Variants in ACSBG2 observed in about 807,000 individuals in gnomAD.
The protein encoded by ACSBG2 is long-chain-fatty-acid--CoA ligase ACSBG2.
In ACSBG2, 62 loss-of-function variants were observed where a neutral mutation model predicts 74.7. The observed-to-expected ratio is 0.83, with a 90% CI of 0.68 to 1.03. ACSBG2 has a LOEUF of 1.03. Among genes scored for constraint, ACSBG2 ranks in the 50% least tolerant of loss-of-function variants. The pLI, the probability that ACSBG2 is intolerant of heterozygous loss-of-function variation, is 0.00. For synonymous variants in ACSBG2, 309 were observed against 294.1 expected (o/e 1.05, Z -0.52); for missense variants, 730 against 817.6 (o/e 0.89, Z 1.31).
chr19:6,152,679 T>G (rs1316951837), intron 4 of ACSBG2, among the ~76,000 whole-genome samples: 1 of 152,134 alleles, frequency 6.6e-6, no homozygotes, highest in Admixed American at 6.6e-5. Context: ...TTTGGGAGTT[T>G]TACTTAAAGA....
chr19:6,171,830 CT>C (rs919486010), intron 7 of ACSBG2, among the ~76,000 whole-genome samples: 1 of 151,424 alleles, frequency 6.6e-6, no homozygotes, highest in African/African-American at 2.4e-5. Flanking sequence ...AATTTTTCTT[CT>C]TTTCTCTCAG....
intron 4 of ACSBG2, among the ~76,000 whole-genome samples, chr19:6,152,071 T>A (rs186966320): frequency 6.6e-6 from 1 of 152,322 alleles, no homozygotes; most frequent in East Asian, 1.9e-4. Context: ...TTTCTGATTA[T>A]GTGCAGAAGC....
At chr19:6,154,428 GAGAGAA>G (rs1477367621) in intron 4 of ACSBG2, among the ~76,000 whole-genome samples, 1 of 90,570 alleles carries the variant, frequency 1.1e-5, no homozygotes, top group African/African-American at 2.9e-5. Flanking sequence ...GAGAGAGAGA[GAGAGAA>G]AATTATTATT....
Position 6,165,868 on chromosome 19 carries a change from G to A in ACSBG2, c.591G>A (p.Trp197Ter), listed in dbSNP as rs775414051. 1 of 1,614,012 alleles carries A rather than the reference G, an allele frequency of 6.2e-7. No homozygotes were observed. Among genetic ancestry groups the A allele is most frequent in the South Asian group, 1.1e-5 (1 of 91,074 alleles). ...PMKKNNNLYS[W>*]DDFMELGRSI... ...CCGCTTGTCTTTTCTGTCCACAGTG[G>A]GATGATTTCATGGAACTTGGCAGAA... is the stretch of plus-strand genomic sequence containing the variant. Residue 197 changes from tryptophan (W) to a stop codon, truncating the protein, a stop_gained and splice_region_variant, in exon 7 of 15, where the codon TGG becomes TGA. Transcript: ENST00000588485. LOFTEE classifies it high-confidence loss of function.
chr19:6,143,199 C>T (rs1015405426), intron 2 of ACSBG2, among the ~76,000 whole-genome samples: 1 of 151,750 alleles, frequency 6.6e-6, no homozygotes, highest in Non-Finnish European at 1.5e-5. Flanking sequence ...CATGCACCAC[C>T]GTGCCTGGCT....
intron 7 of ACSBG2, chr19:6,176,508 A>C: frequency 8.3e-6 from 6 of 720,482 alleles, no homozygotes; most frequent in Non-Finnish European, 1.2e-5. Flanking sequence ...ACACACACAC[A>C]CACGCACTCA....
In ACSBG2 at chr19:6,160,901, A is replaced by G. The variant is rs144290452; in HGVS notation, c.508-314A>G. 6.3e-5 allele frequency: 12 copies of G among 190,188 alleles called. 1 individual carries two copies. In the East Asian group the frequency reaches 1.7e-3, roughly 27 times the overall value. The allele number at this position is 190,188 out of a possible 1,614,324, so 11.8% of individuals were successfully genotyped here. A position where few individuals can be genotyped will look rare whatever the true frequency, so the allele number is the denominator to read the frequency against. ...GATCACCTGGGGTCAGGAGTTCGAG[A>G]CCAGCCTGGCCAATACGGTGAAACC... On this transcript the variant is annotated intron_variant, in intron 5 of 14. Coordinates refer to ENST00000588485, the MANE Select transcript of ACSBG2 (RefSeq NM_030924.5).
chr19:6,156,109 G>A (rs2089411916), intron 4 of ACSBG2, among the ~76,000 whole-genome samples: 1 of 152,102 alleles, frequency 6.6e-6, no homozygotes, highest in Non-Finnish European at 1.5e-5. Flanking sequence ...TGAGTCAGGA[G>A]TTCAGATCCT....
intron 10 of ACSBG2, among the ~76,000 whole-genome samples, chr19:6,184,832 GAAAAAAAAAAAAAAAAAAAAAA>G (rs371866289): frequency 1.8e-3 from 24 of 13,534 alleles, no homozygotes; most frequent in Non-Finnish European, 2.8e-3. Flanking sequence ...ATGTGGAGAT[GAAAAAAAAAAAAAAAAAAAAAA>G]AAAAAAAAAA....
At chr19:6,166,052 T>G (rs2145147646) in intron 7 of ACSBG2, 37 bp downstream of exon 7, 1 of 1,610,340 alleles carries the variant, frequency 6.2e-7, no homozygotes, top group Non-Finnish European at 8.5e-7. Flanking sequence ...GTGGTGGCCT[T>G]TGGGCTGTTT....
intron 3 of ACSBG2, 90 bp downstream of exon 3, chr19:6,147,765 C>A: frequency 1.4e-6 from 2 of 1,412,282 alleles, no homozygotes; most frequent in Non-Finnish European, 2.0e-6. Context: ...ATTCACAAGG[C>A]ACCAAAAGAT....
chr19:6,166,283 TG>T (rs1487701436), intron 7 of ACSBG2, among the ~76,000 whole-genome samples: 70 of 42,012 alleles, frequency 1.7e-3, no homozygotes, highest in Non-Finnish European at 2.9e-3. Flanking sequence ...AGGAAGGTTG[TG>T]TGTGTGTGTG....
intron 14 of ACSBG2, among the ~76,000 whole-genome samples, chr19:6,192,361 G>C (rs965974014): frequency 1.3e-5 from 2 of 152,130 alleles, no homozygotes; most frequent in Admixed American, 6.6e-5. Context: ...GGCCTCAAGC[G>C]ATCCTCCTGC....
At chr19:6,165,258 G>T (rs2089757747) in intron 6 of ACSBG2, among the ~76,000 whole-genome samples, 1 of 152,178 alleles carries the variant, frequency 6.6e-6, no homozygotes, top group African/African-American at 2.4e-5. Context: ...GCAGCTCCTA[G>T]AGCTACATCT....
chr19:6,185,798 C>G, intron 11 of ACSBG2, 145 bp downstream of exon 11: 1 of 779,262 alleles, frequency 1.3e-6, no homozygotes, highest in Non-Finnish European at 2.1e-6. Flanking sequence ...CTGTACAACC[C>G]AGCTCTATCC....
intron 6 of ACSBG2, among the ~76,000 whole-genome samples, chr19:6,164,505 T>A (rs1237683976): frequency 6.6e-6 from 1 of 150,750 alleles, no homozygotes; most frequent in Non-Finnish European, 1.5e-5. Flanking sequence ...TGATCTTGGC[T>A]CACTGCAATC....
chr19:6,190,776 C>T, intron 14 of ACSBG2, 84 bp downstream of exon 14: 1 of 741,190 alleles, frequency 1.3e-6, no homozygotes, highest in East Asian at 2.8e-5. Context: ...AGATCTGTGA[C>T]TGGAACTGCA....
Position 6,184,862 on chromosome 19 carries a change from A to ACAAACAAACAAAC in ACSBG2, c.1323-574_1323-573insCAAACAAACAAAC, listed in dbSNP as rs1568254764. 1.2e-4 allele frequency among the ~76,000 whole-genome samples: 16 copies of ACAAACAAACAAAC among 137,456 alleles called. 1 individual carries two copies. Among genetic ancestry groups the ACAAACAAACAAAC allele is most frequent in the African/African-American group, 4.5e-4 (15 of 33,622 alleles). The allele number at this position is 137,456 out of a possible 152,430, so 90.2% of individuals were successfully genotyped here. On this transcript the variant is annotated intron_variant, in intron 10 of 14. Coordinates refer to ENST00000588485, the MANE Select transcript of ACSBG2 (RefSeq NM_030924.5). ...AAAAAAAAAAAAAAAAAAAAAAAAA[A>ACAAACAAACAAAC]AAAAAAAAAACGAAAAACAGCCTGC...
intron 2 of ACSBG2, among the ~76,000 whole-genome samples, chr19:6,145,750 T>C (rs1228215666): frequency 6.6e-6 from 1 of 152,202 alleles, no homozygotes; most frequent in Non-Finnish European, 1.5e-5. Flanking sequence ...GGTTTTGAAT[T>C]GGTCCCTTTG....
Sources: gnomAD v4.1 joint callset for allele counts (sites outside exome capture counted in the v4.1 genomes callset) on GRCh38, gnomAD v4.1.1 for gene constraint, MANE v1.5 for transcripts, NCBI Gene and HGNC (gene_info 2026-07-23, HGNC 2026-07-21) for gene names.